The following TMEM223 variants were observed in gnomAD, a reference collection of about 807,000 sequenced individuals.
TMEM223 encodes transmembrane protein 223.
In TMEM223, 14 loss-of-function variants were observed where a neutral mutation model predicts 14.1. That is an observed-to-expected ratio of 0.99 (90% CI 0.66 to 1.55). The LOEUF is 1.55. Among genes scored for constraint, TMEM223 ranks in the 40% most tolerant of loss-of-function variants. TMEM223 has a pLI of 0.00. For missense variants in TMEM223, 346 were observed against 269.9 expected, an observed-to-expected ratio of 1.28 and a Z score of -1.97; for synonymous variants, 145 against 120.5, an observed-to-expected ratio of 1.20 and a Z score of -1.33.
At chr11:62,771,881 T>C in exon 3 of TMEM223, 1 of 309,004 alleles carries the variant, frequency 3.2e-6, no homozygotes, top group Non-Finnish European at 6.4e-6. Flanking sequence ...ATTTTACAGA[T>C]AGGGAAACTG....
intron 1 of TMEM223, chr11:62,778,209 G>C: frequency 6.2e-7 from 1 of 1,613,596 alleles, no homozygotes; most frequent in South Asian, 1.1e-5. Context: ...TGGTGGAAGA[G>C]GCAGAACTTG....
At chr11:62,775,644 A>T in intron 1 of TMEM223, 1 of 994,758 alleles carries the variant, frequency 1.0e-6, no homozygotes, top group Non-Finnish European at 1.4e-6. Flanking sequence ...TCATCTGGGT[A>T]CTCAGAGCTC....
chr11:62,791,064 C>G, intron 1 of TMEM223, 149 bp from the exon 2 acceptor site: 1 of 836,452 alleles, frequency 1.2e-6, no homozygotes, highest in Non-Finnish European at 1.8e-6. Context: ...ACTCTGCCGG[C>G]CAGGCTGGAG....
downstream of TMEM223, among the ~76,000 whole-genome samples, chr11:62,785,180 A>G (rs1460416281): frequency 6.8e-6 from 1 of 147,484 alleles, no homozygotes; most frequent in Non-Finnish European, 1.5e-5. Flanking sequence ...AAATTCTGGC[A>G]TGGTATTTTC....
chr11:62,772,156 A>T (rs1470479893), intron 2 of TMEM223: 1 of 456,248 alleles, frequency 2.2e-6, no homozygotes, highest in Admixed American at 2.3e-5. Flanking sequence ...GAAATACATA[A>T]TAATATCTTA....
intron 1 of TMEM223, among the ~76,000 whole-genome samples, chr11:62,780,829 T>C (rs2084223676): frequency 1.3e-5 from 2 of 148,742 alleles, no homozygotes; most frequent in South Asian, 4.2e-4. Flanking sequence ...CCTAGCTACT[T>C]GCGAGGCTGA....
At position 62,790,408 on chromosome 11, in the gene TMEM223, T is replaced by C. The variant is rs141099385; in HGVS notation, c.*215A>G. 370 of 579,392 alleles carry C rather than the reference T, an allele frequency of 6.4e-4. 6 individuals carry two copies. The African/African-American group carries it at 6.6e-3, about 10-fold the overall frequency. 35.9% of individuals were successfully genotyped at this position (579,392 alleles called of 1,614,324 possible). A position where few individuals can be genotyped will look rare whatever the true frequency, so the allele number is the denominator to read the frequency against. The stretch of plus-strand genomic sequence containing the variant: ...CTTGACCTCCTTGTGTGACCCTGGT[T>C]GTTACTCCATTCTAAGATTGGCGTT... On this transcript the variant is annotated 3_prime_UTR_variant, in exon 2 of 2. Coordinates refer to ENST00000307366, the MANE Select transcript of TMEM223 (RefSeq NM_001080501.3).
chr11:62,787,049 C>G (rs768347100), downstream of TMEM223: 77 of 1,522,036 alleles, frequency 5.1e-5, no homozygotes, highest in Non-Finnish European at 6.3e-5. Flanking sequence ...GGCCCCGGGA[C>G]CGGCACCCGC....
exon 2 of TMEM223, chr11:62,774,643 T>C (rs1376796028): frequency 4.4e-6 from 2 of 455,194 alleles, no homozygotes; most frequent in South Asian, 3.1e-5. Flanking sequence ...GCTGTTTTTG[T>C]CGGTTTCTTA....
chr11:62,791,873 C>A lies in TMEM223; in HGVS notation c.122G>T (p.Arg41Leu). Residue 41 changes from arginine to leucine, a missense_variant, in exon 1 of 2, where the codon CGG becomes CTG. Arg to Leu is a moderately radical substitution (Grantham distance 102). Transcript: ENST00000307366. ...QRDVLLFEHD[R>L]GRFFTILGLF... Reference sequence around the variant, plus strand: ...CCCGAGGATGGTGAAGAAGCGGCCCCGATCATGCTCAAAGAGCAGCACATC... The same window carrying A: ...CCCGAGGATGGTGAAGAAGCGGCCCAGATCATGCTCAAAGAGCAGCACATC... 6.3e-7 allele frequency: 1 copy of A among 1,594,176 alleles called. No homozygotes were observed. Among genetic ancestry groups the A allele is most frequent in the South Asian group, 1.1e-5 (1 of 87,802 alleles).
chr11:62,775,386 C>G (rs1413971070), intron 1 of TMEM223, among the ~76,000 whole-genome samples: 2 of 152,178 alleles, frequency 1.3e-5, no homozygotes, highest in African/African-American at 4.8e-5. Flanking sequence ...GGGGACACAG[C>G]CAAATCATAT....
downstream of TMEM223, chr11:62,786,177 A>G: frequency 6.6e-7 from 1 of 1,516,406 alleles, no homozygotes; most frequent in Non-Finnish European, 9.0e-7. Flanking sequence ...TCAGAGATAA[A>G]GGTAGGTCTT....
chr11:62,776,294 C>T, intron 1 of TMEM223: 1 of 1,355,946 alleles, frequency 7.4e-7, no homozygotes, highest in Non-Finnish European at 1.1e-6. Context: ...TCCTGTTTGC[C>T]TTCTCTCCAG....
downstream of TMEM223, chr11:62,789,320 G>A (rs540927271): frequency 6.2e-6 from 10 of 1,613,944 alleles, no homozygotes; most frequent in Middle Eastern, 1.6e-4. Context: ...CATTGCACTG[G>A]CCATCTCAGC....
chr11:62,776,223 G>A (rs2084187076), intron 1 of TMEM223, among the ~76,000 whole-genome samples: 3 of 152,124 alleles, frequency 2.0e-5, no homozygotes, highest in South Asian at 2.1e-4. Context: ...TGTGACACCC[G>A]GGGGGTGTTT....
intron 1 of TMEM223, among the ~76,000 whole-genome samples, chr11:62,791,238 C>A (rs1407994466): frequency 6.6e-6 from 1 of 151,926 alleles, no homozygotes; most frequent in South Asian, 2.1e-4. Context: ...CAGGGCACGG[C>A]GCTCGGAGAC....
At position 62,776,871 on chromosome 11, in the gene TMEM223, G is replaced by A. The variant is rs909589729; in HGVS notation, c.315-2206C>T. On this transcript the variant is annotated intron_variant, in intron 1 of 2. Coordinates refer to the TMEM223 transcript ENST00000528367. The stretch of plus-strand genomic sequence containing the variant: ...AAAAGAAAAAAAAAAAAAAAAGGCC[G>A]GGCACAGGAGCTTACACCTAAAATC... Among the ~76,000 whole-genome samples, 26 of 149,174 alleles carry A rather than the reference G, an allele frequency of 1.7e-4. 5 individuals carry two copies. The highest frequency in any genetic ancestry group is 1.3e-3 in the Admixed American group (19 of 14,852).
chr11:62,785,625 C>G (rs542784724), downstream of TMEM223, among the ~76,000 whole-genome samples: 2 of 150,416 alleles, frequency 1.3e-5, no homozygotes, highest in African/African-American at 4.9e-5. Context: ...ACCTCTGCCC[C>G]CCGAGTTCAA....
intron 1 of TMEM223, chr11:62,775,628 C>G (rs2084180505): frequency 1.2e-6 from 1 of 848,436 alleles, no homozygotes; most frequent in Non-Finnish European, 1.8e-6. Flanking sequence ...CTGAGCCTCA[C>G]TTTCCTCATC....
Sources: allele counts gnomAD v4.1 joint callset (sites outside exome capture counted in the v4.1 genomes callset), GRCh38; gene constraint gnomAD v4.1.1; transcripts MANE v1.5; gene names NCBI Gene and HGNC (gene_info 2026-07-23, HGNC 2026-07-21).